The following CCNE2 variants were observed in gnomAD, a reference collection of about 807,000 sequenced individuals.
The protein encoded by CCNE2 is G1/S-specific cyclin-E2.
Under a neutral mutation model 56.8 loss-of-function variants are expected in CCNE2, and 18 were observed. The ratio of observed to expected loss-of-function variants is 0.32; its 90% CI spans 0.22 to 0.47. CCNE2 has a LOEUF of 0.47. Ranked by LOEUF, CCNE2 falls within the 20% of genes least tolerant of loss-of-function variation. The pLI, the probability that CCNE2 is intolerant of heterozygous loss-of-function variation, is 1.00. For synonymous variants in CCNE2, 139 were observed against 149.2 expected, an observed-to-expected ratio of 0.93 and a Z score of 0.50; for missense variants, 371 against 467.1, an observed-to-expected ratio of 0.79 and a Z score of 1.90.
In CCNE2 at chr8:94,880,303, G is replaced by T; in HGVS notation, c.*1329C>A. Reference sequence around the variant, plus strand: ...AAAATAAACAGTATTAAAAGGTTAAGTTTATATAATACATATGTACACAAT... The same window carrying T: ...AAAATAAACAGTATTAAAAGGTTAATTTTATATAATACATATGTACACAAT... On this transcript the variant is annotated 3_prime_UTR_variant, in exon 12 of 12. Coordinates refer to ENST00000308108, the MANE Select transcript of CCNE2 (RefSeq NM_057749.3). 1 of 781,920 alleles carries T rather than the reference G, an allele frequency of 1.3e-6. No homozygotes were observed. The highest frequency in any genetic ancestry group is 2.1e-6 in the Non-Finnish European group (1 of 474,192). 48.4% of individuals were successfully genotyped at this position (781,920 alleles called of 1,614,324 possible). A position where few individuals can be genotyped will look rare whatever the true frequency, so the allele number is the denominator to read the frequency against.
chr8:94,890,813 C>T (rs912325355), intron 5 of CCNE2, among the ~76,000 whole-genome samples: 4 of 151,978 alleles, frequency 2.6e-5, no homozygotes, highest in East Asian at 3.9e-4. Context: ...GGGCTAGTCT[C>T]GAACTCCTGG....
intron 8 of CCNE2, 53 bp from the exon 9 acceptor site, chr8:94,885,254 C>A (rs1816992770): frequency 6.6e-7 from 1 of 1,508,244 alleles, no homozygotes; most frequent in Non-Finnish European, 9.2e-7. Context: ...ACATACACCA[C>A]ATTATACAGC....
upstream of CCNE2, chr8:94,895,299 CCCGCCCGT>C: frequency 1.0e-6 from 1 of 974,160 alleles, no homozygotes; most frequent in Non-Finnish European, 1.2e-6. Context: ...GCTCCCCTCT[CCCGCCCGT>C]CCGCCCGCGT....
chr8:94,888,947 A>G (rs1817131733), intron 6 of CCNE2, among the ~76,000 whole-genome samples: 2 of 152,144 alleles, frequency 1.3e-5, no homozygotes, highest in African/African-American at 2.4e-5. Context: ...TCAGGAGTTC[A>G]AGACCAGCTT....
chr8:94,889,986 T>C (rs965622241), intron 6 of CCNE2, among the ~76,000 whole-genome samples: 5 of 152,190 alleles, frequency 3.3e-5, no homozygotes, highest in African/African-American at 1.2e-4. Flanking sequence ...CATAGTCTCA[T>C]TATGGTTTAG....
In CCNE2 at chr8:94,895,193, G is replaced by C; in HGVS notation, c.-43C>G. On this transcript the variant is annotated 5_prime_UTR_variant, in exon 1 of 12. Coordinates refer to ENST00000308108, the MANE Select transcript of CCNE2 (RefSeq NM_057749.3). ...ACTCCTCACCGCCAGACCAGCTACC[G>C]CTCGGCTCAGCTGGCGCCGGCGCCA... is the stretch of plus-strand genomic sequence containing the variant. 2 of 985,816 alleles carry C rather than the reference G, an allele frequency of 2.0e-6. No individual in the cohort carries two copies. The highest frequency in any genetic ancestry group is 1.2e-6 in the Non-Finnish European group (1 of 830,330). 61.1% of individuals were successfully genotyped at this position (985,816 alleles called of 1,614,324 possible).
At chr8:94,885,230 T>C in intron 8 of CCNE2, 29 bp from the exon 9 acceptor site, 1 of 1,605,624 alleles carries the variant, frequency 6.2e-7, no homozygotes, top group Non-Finnish European at 8.5e-7. Context: ...AAATGCCTGT[T>C]AATGAATGTA....
In CCNE2 at chr8:94,880,263, TTAAACAATGGGC is replaced by T. The variant is rs1474823668; in HGVS notation, c.*1357_*1368del. ...GTTAAATTTTTTTAACTTTTATTTT[TTAAACAATGGGC>T]TAAAAATAAACAGTATTAAAAGGTT... On this transcript the variant is annotated 3_prime_UTR_variant, in exon 12 of 12. Coordinates refer to ENST00000308108, the MANE Select transcript of CCNE2 (RefSeq NM_057749.3). The T allele has an allele frequency of 2.5e-6, 3 of 1,190,974 alleles. No individual in the cohort carries two copies. The African/African-American group carries it at 4.7e-5, about 18-fold the overall frequency. The allele number at this position is 1,190,974 out of a possible 1,614,324, so 73.8% of individuals were successfully genotyped here. A position where few individuals can be genotyped will look rare whatever the true frequency, so the allele number is the denominator to read the frequency against.
chr8:94,885,169 G>A lies in CCNE2; in HGVS notation c.729C>T (p.Ile243=). The A allele has an allele frequency of 1.9e-6, 3 of 1,613,670 alleles. No individual in the cohort carries two copies. Among genetic ancestry groups the A allele is most frequent in the Non-Finnish European group, 2.5e-6 (3 of 1,179,736 alleles). The change falls in exon 9 of 12, where the codon ATC becomes ATT. Residue 243 remains isoleucine (I), a synonymous_variant. Coordinates refer to ENST00000308108, the MANE Select transcript of CCNE2 (RefSeq NM_057749.3). The stretch of plus-strand genomic sequence containing the variant: ...GGAGAAAGAGATTTAGCCAGGAGAT[G>A]ATTGTTACAGGACAAAGTTCCCATT... ...ALKWELCPVT[I]ISWLNLFLQV... is the part of the protein sequence containing the mutation.
In CCNE2 at chr8:94,881,399, A is replaced by G; in HGVS notation, c.*233T>C. 1.9e-6 allele frequency: 1 copy of G among 530,198 alleles called. No homozygotes were observed. Among genetic ancestry groups the G allele is most frequent in the Non-Finnish European group, 3.3e-6 (1 of 301,830 alleles). 32.8% of individuals were successfully genotyped at this position (530,198 alleles called of 1,614,324 possible). A position where few individuals can be genotyped will look rare whatever the true frequency, so the allele number is the denominator to read the frequency against. The stretch of plus-strand genomic sequence containing the variant: ...TGGCTTCTATCCAGTAACCTTGGGA[A>G]TGAAGACATCTTTGTAAACAAGTCC... On this transcript the variant is annotated 3_prime_UTR_variant, in exon 12 of 12. Transcript: ENST00000308108.
chr8:94,890,368 G>GT, intron 6 of CCNE2, 47 bp downstream of exon 6: 1 of 1,460,718 alleles, frequency 6.8e-7, no homozygotes, highest in Non-Finnish European at 9.1e-7. Flanking sequence ...AGCTAAATAT[G>GT]TTTCCATCAT....
intron 4 of CCNE2, 79 bp downstream of exon 4, chr8:94,893,812 G>C: frequency 7.2e-7 from 1 of 1,384,434 alleles, no homozygotes; most frequent in Non-Finnish European, 1.0e-6. Context: ...CTATCGCAAA[G>C]CAATAAACAC....
upstream of CCNE2, among the ~76,000 whole-genome samples, chr8:94,896,295 G>A (rs1817559581): frequency 6.7e-6 from 1 of 148,612 alleles, no homozygotes; most frequent in South Asian, 2.1e-4. Context: ...AGCGCGCCCT[G>A]CGGAGCCCGC....
At chr8:94,885,250 A>G in intron 8 of CCNE2, 49 bp from the exon 9 acceptor site, 1 of 1,528,804 alleles carries the variant, frequency 6.5e-7, no homozygotes, top group South Asian at 1.1e-5. Flanking sequence ...AGACACATAC[A>G]CCACATTATA....
intron 9 of CCNE2, 83 bp from the exon 10 acceptor site, chr8:94,882,975 G>T: frequency 2.1e-6 from 2 of 952,792 alleles, no homozygotes; most frequent in Non-Finnish European, 3.3e-6. Context: ...GGGATCTAGA[G>T]ATAAATAAGC....
intron 6 of CCNE2, 55 bp downstream of exon 6, chr8:94,890,360 C>T (rs1586554320): frequency 7.0e-7 from 1 of 1,427,792 alleles, no homozygotes; most frequent in South Asian, 1.5e-5. Context: ...ACATTTACAG[C>T]TAAATATGTT....
upstream of CCNE2, chr8:94,895,881 C>G (rs926280704): frequency 1.3e-5 from 2 of 153,958 alleles, no homozygotes; most frequent in Non-Finnish European, 2.9e-5. Context: ...GCTCCGCCGG[C>G]CTTGCGCGGC....
At position 94,886,283 on chromosome 8, in the gene CCNE2, G is replaced by T. The variant is rs573736363; in HGVS notation, c.601-725C>A. On this transcript the variant is annotated intron_variant, in intron 7 of 11. Transcript: ENST00000308108. ...TATCTAGGTATCTAGTAACTATATT[G>T]ATTATCAAGACTTCTTTTCATAGAA... 2.6e-5 allele frequency among the ~76,000 whole-genome samples: 4 copies of T among 152,198 alleles called. No individual in the cohort carries two copies. In the East Asian group the frequency reaches 7.7e-4, roughly 29 times the overall value.
At chr8:94,895,006 G>C (rs1184232573) in intron 1 of CCNE2, among the ~76,000 whole-genome samples, 171 bp downstream of exon 1, 1 of 152,144 alleles carries the variant, frequency 6.6e-6, no homozygotes, top group East Asian at 1.9e-4. Flanking sequence ...CCGCTTCCCG[G>C]TCCCCTGCCA....
Sources: gnomAD v4.1 joint callset for allele counts (sites outside exome capture counted in the v4.1 genomes callset) on GRCh38, gnomAD v4.1.1 for gene constraint, MANE v1.5 for transcripts, NCBI Gene and HGNC (gene_info 2026-07-23, HGNC 2026-07-21) for gene names.